LAMB1: variants seen among roughly 807,000 people sequenced by gnomAD.
LAMB1 encodes the protein laminin subunit beta-1.
In LAMB1, 121 loss-of-function variants were observed where a neutral mutation model predicts 222.3. The ratio of observed to expected loss-of-function variants is 0.54; its 90% CI spans 0.47 to 0.63. LAMB1 has a LOEUF of 0.63. LAMB1 is among the 30% of genes least tolerant of loss of function. The probability of loss-of-function intolerance (pLI) is 0.00; values close to 1 mark genes in which losing one functional copy is unlikely to be tolerated. For synonymous variants in LAMB1, 794 were observed against 807.2 expected, an observed-to-expected ratio of 0.98 and a Z score of 0.28; for missense variants, 2,172 against 2,240.8, an observed-to-expected ratio of 0.97 and a Z score of 0.62.
rs533233462 is a variant in LAMB1 at position 107,950,986 on chromosome 7, C to A, written c.3391+240G>T. ...TGCTTACACACAGAAACAAACTTTA[C>A]CCCAGGGTGTGAGGCCGGGAGAGTA... On this transcript the variant is annotated intron_variant, in intron 24 of 33. Transcript: ENST00000222399. 164 of 367,802 alleles carry A rather than the reference C, an allele frequency of 4.5e-4. 1 individual carries two copies. The highest frequency in any genetic ancestry group is 3.3e-3 in the African/African-American group (154 of 47,026). The allele number at this position is 367,802 out of a possible 1,614,324, so 22.8% of individuals were successfully genotyped here. A position where few individuals can be genotyped will look rare whatever the true frequency, so the allele number is the denominator to read the frequency against.
At chr7:107,959,149 C>T (rs375911044) in intron 20 of LAMB1, 100 bp downstream of exon 20, 22 of 893,550 alleles carry the variant, frequency 2.5e-5, no homozygotes, top group Middle Eastern at 2.4e-4. Flanking sequence ...AATGAATGAG[C>T]GAGCTGAAGC....
rs189759485 is a variant in LAMB1 at position 107,943,246 on chromosome 7, G to A, written c.3392-2888C>T. Among the ~76,000 whole-genome samples the A allele has an allele frequency of 3.0e-3, 451 of 152,290 alleles. 2 individuals are homozygous for A. Among genetic ancestry groups the A allele is most frequent in the African/African-American group, 0.011 (440 of 41,548 alleles). ...CATATTACAGACTCAGAAGAGTTCT[G>A]CAGGAAAAACTGTTTTATATTGTTT... On this transcript the variant is annotated intron_variant, in intron 24 of 33. Coordinates refer to ENST00000222399, the MANE Select transcript of LAMB1 (RefSeq NM_002291.3).
intron 13 of LAMB1, 108 bp from the exon 14 acceptor site, chr7:107,964,795 G>T: frequency 2.5e-6 from 3 of 1,195,420 alleles, no homozygotes; most frequent in Admixed American, 2.4e-5. Flanking sequence ...CAAATACATA[G>T]CATGTTCTTG....
chr7:108,002,725 G>A (rs1432372517), intron 2 of LAMB1, 124 bp downstream of exon 2: 4 of 1,345,768 alleles, frequency 3.0e-6, no homozygotes, highest in African/African-American at 1.5e-5. Context: ...TCCCAGGGGC[G>A]TCATTTCCAT....
intron 9 of LAMB1, 68 bp downstream of exon 9, chr7:107,977,977 AGT>A: frequency 6.4e-7 from 1 of 1,564,218 alleles, no homozygotes; most frequent in Non-Finnish European, 8.8e-7. Flanking sequence ...ACACTGTTAC[AGT>A]ACCTCTAATT....
intron 31 of LAMB1, among the ~76,000 whole-genome samples, chr7:107,928,669 CTT>C (rs2032627317): frequency 6.6e-6 from 1 of 152,070 alleles, no homozygotes; most frequent in Non-Finnish European, 1.5e-5. Flanking sequence ...ACTTTTGTAT[CTT>C]TAGTAGAGAA....
intron 9 of LAMB1, 135 bp downstream of exon 9, chr7:107,977,911 GT>G (rs980989489): frequency 2.3e-6 from 2 of 870,894 alleles, no homozygotes; most frequent in Admixed American, 4.4e-5. Flanking sequence ...TTGTCTAGGA[GT>G]ATCAGGGTGA....
At chr7:107,988,765 C>A (rs892256893) in intron 5 of LAMB1, among the ~76,000 whole-genome samples, 3 of 152,112 alleles carry the variant, frequency 2.0e-5, no homozygotes, top group African/African-American at 7.2e-5. Context: ...CACACATGCA[C>A]AGAGGGAAGA....
intron 7 of LAMB1, 137 bp downstream of exon 7, chr7:107,985,885 A>G (rs2034065593): frequency 3.2e-6 from 2 of 627,304 alleles, no homozygotes; most frequent in African/African-American, 3.7e-5. Flanking sequence ...TGAACCCGGG[A>G]GGCGGAGGTT....
chr7:107,940,063 C>G lies in LAMB1; in HGVS notation c.3687G>C (p.Glu1229Asp), dbSNP rs141706415. Residue 1229 changes from glutamate to aspartate, a missense_variant, in exon 25 of 34, where the codon GAG becomes GAC. Glu to Asp is a conservative substitution (Grantham distance 45, BLOSUM62 2). Transcript: ENST00000222399. ...GGCTCTGCGCCAGGATGTCTTTTAT[C>G]TCGCTGACTTTCCTCTCCACCGAGT... The part of the protein sequence containing the change: ...TVDSVERKVS[E>D]IKDILAQSPA... 17 of 1,614,140 alleles carry G rather than the reference C, an allele frequency of 1.1e-5. No homozygotes were observed. In the African/African-American group the frequency reaches 2.1e-4, roughly 20 times the overall value.
intron 3 of LAMB1, among the ~76,000 whole-genome samples, chr7:108,000,941 G>C (rs1014768907): frequency 5.9e-5 from 9 of 152,176 alleles, no homozygotes; most frequent in Non-Finnish European, 5.9e-5. Flanking sequence ...GTATAAATAT[G>C]ACCCCTGAAA....
At chr7:107,960,773 TTAAA>T in intron 17 of LAMB1, 124 bp from the exon 18 acceptor site, 4 of 732,486 alleles carry the variant, frequency 5.5e-6, no homozygotes, top group Non-Finnish European at 9.1e-6. Context: ...ATTAGACTCA[TTAAA>T]TAAAGTATAA....
intron 14 of LAMB1, among the ~76,000 whole-genome samples, chr7:107,963,505 A>G (rs568763482): frequency 6.6e-6 from 1 of 152,368 alleles, no homozygotes; most frequent in African/African-American, 2.4e-5. Flanking sequence ...GAAACTTGAT[A>G]TAATGAATGT....
chr7:107,943,727 C>T (rs1288924700), intron 24 of LAMB1, among the ~76,000 whole-genome samples: 3 of 152,108 alleles, frequency 2.0e-5, no homozygotes, highest in Non-Finnish European at 4.4e-5. Flanking sequence ...TTCACAGTCA[C>T]GCGACCCCGT....
At chr7:107,988,847 C>T (rs1364837913) in intron 5 of LAMB1, among the ~76,000 whole-genome samples, 1 of 152,166 alleles carries the variant, frequency 6.6e-6, no homozygotes, top group East Asian at 1.9e-4. Context: ...ACCAACCCTG[C>T]CAACACCTTA....
chr7:107,925,319 AC>A (rs1455036658), intron 32 of LAMB1, among the ~76,000 whole-genome samples: 3 of 152,166 alleles, frequency 2.0e-5, no homozygotes, highest in Non-Finnish European at 4.4e-5. Context: ...CCTGAGCTCC[AC>A]CTTCTGTCAG....
chr7:107,976,215 T>A (rs2033851560), intron 9 of LAMB1, among the ~76,000 whole-genome samples: 1 of 152,168 alleles, frequency 6.6e-6, no homozygotes. Flanking sequence ...CGCTTTCTGG[T>A]CCACTCGAGG....
In LAMB1 at chr7:107,960,511, G is replaced by T. The variant is rs150567555; in HGVS notation, c.2248C>A (p.Pro750Thr). The change falls in exon 18 of 34, where the codon CCG becomes ACG. Residue 750 changes from proline to threonine, a missense_variant. By Grantham distance (38) the Pro-to-Thr change is conservative (BLOSUM62 -1). Transcript: ENST00000222399. ...ATGTTTCTGCAAACATCTGTCATCG[G>T]TGTTTTCACAACGCTTCTGCTGTTC... ...LENSRSVVKTPMTDVCRNIIF... is the reference protein window; with the variant it reads ...LENSRSVVKTTMTDVCRNIIF... 74 of 1,614,058 alleles carry T rather than the reference G, an allele frequency of 4.6e-5. No homozygotes were observed. The African/African-American group carries it at 6.7e-4, about 15-fold the overall frequency.
intron 27 of LAMB1, among the ~76,000 whole-genome samples, chr7:107,933,918 A>G (rs1029709541): frequency 6.6e-6 from 1 of 152,148 alleles, no homozygotes; most frequent in Non-Finnish European, 1.5e-5. Flanking sequence ...CCTCCGGTTC[A>G]AGACAAAAAT....
Sources: gnomAD v4.1 joint callset for allele counts (sites outside exome capture counted in the v4.1 genomes callset) on GRCh38, gnomAD v4.1.1 for gene constraint, MANE v1.5 for transcripts, NCBI Gene and HGNC (gene_info 2026-07-23, HGNC 2026-07-21) for gene names.